MOXD1: variants seen among roughly 807,000 people sequenced by gnomAD.
The protein encoded by MOXD1 is DBH-like monooxygenase protein 1.
MOXD1 carries 62 observed loss-of-function variants against 66.6 expected under a neutral mutation model. That is an observed-to-expected ratio of 0.93 (90% CI 0.76 to 1.15). The LOEUF is 1.15. Ranked by LOEUF, MOXD1 falls within the 50% of genes most tolerant of loss-of-function variation. MOXD1 has a pLI of 0.00. For synonymous variants in MOXD1, 303 were observed against 281.9 expected, an observed-to-expected ratio of 1.07 and a Z score of -0.75; for missense variants, 847 against 754.6, an observed-to-expected ratio of 1.12 and a Z score of -1.44.
At chr6:132,344,699 C>CT (rs35429271) in intron 4 of MOXD1, among the ~76,000 whole-genome samples, 1 of 151,952 alleles carries the variant, frequency 6.6e-6, no homozygotes, top group African/African-American at 2.4e-5. Context: ...TTATTTTAGC[C>CT]TTTTTTGCAT....
chr6:132,346,045 G>GTGT (rs1775663054), intron 4 of MOXD1, among the ~76,000 whole-genome samples: 1 of 150,740 alleles, frequency 6.6e-6, no homozygotes, highest in South Asian at 2.1e-4. Context: ...TTTTGTTGTT[G>GTGT]TGTTGTTGTT....
chr6:132,327,333 CT>C (rs139710794), intron 6 of MOXD1, among the ~76,000 whole-genome samples: 1,597 of 152,284 alleles, frequency 0.01, 37 homozygotes, highest in African/African-American at 0.037. Context: ...AGAACAGCAT[CT>C]GTTTTTCACT....
intron 10 of MOXD1, among the ~76,000 whole-genome samples, chr6:132,304,611 G>A (rs1326286216): frequency 6.6e-6 from 1 of 152,140 alleles, no homozygotes; most frequent in Non-Finnish European, 1.5e-5. Flanking sequence ...CTAGGATTCT[G>A]TTGTTTTCGC....
chr6:132,397,441 G>A (rs909027683), intron 1 of MOXD1, among the ~76,000 whole-genome samples: 5 of 152,130 alleles, frequency 3.3e-5, no homozygotes, highest in African/African-American at 9.7e-5. Flanking sequence ...TATTTGGGTT[G>A]ATTCTTTATT....
At chr6:132,305,522 T>G (rs1002073008) in intron 10 of MOXD1, among the ~76,000 whole-genome samples, 2 of 152,182 alleles carry the variant, frequency 1.3e-5, no homozygotes, top group Non-Finnish European at 2.9e-5. Flanking sequence ...ACAAAGTGCT[T>G]TGTAAAATGA....
chr6:132,326,720 ATGGG>A (rs1775195257), intron 6 of MOXD1, among the ~76,000 whole-genome samples: 2 of 152,186 alleles, frequency 1.3e-5, no homozygotes, highest in Admixed American at 1.3e-4. Flanking sequence ...GGTTCAGAGT[ATGGG>A]ATATAATTGG....
chr6:132,340,935 T>C (rs144851715), intron 4 of MOXD1, among the ~76,000 whole-genome samples: 2,790 of 152,144 alleles, frequency 0.018, 96 homozygotes, highest in African/African-American at 0.06. Flanking sequence ...CGTGAGCCAC[T>C]GCGCCCGGCA....
intron 10 of MOXD1, among the ~76,000 whole-genome samples, chr6:132,304,386 G>T (rs755749462): frequency 6.6e-6 from 1 of 152,104 alleles, no homozygotes; most frequent in African/African-American, 2.4e-5. Context: ...AAGCTATTTT[G>T]TTATCCCACC....
chr6:132,340,491 T>C lies in MOXD1; in HGVS notation c.664-11897A>G, dbSNP rs74926862. On this transcript the variant is annotated intron_variant, in intron 4 of 11. Coordinates refer to ENST00000367963, the MANE Select transcript of MOXD1 (RefSeq NM_015529.4). Reference sequence around the variant, plus strand: ...AATGGGAAATAGGTTAAGGTGGAAATTTTAATTCGGCTATCTGGAAAAATA... The same window carrying C: ...AATGGGAAATAGGTTAAGGTGGAAACTTTAATTCGGCTATCTGGAAAAATA... 1.6e-3 allele frequency among the ~76,000 whole-genome samples: 238 copies of C among 150,446 alleles called. 1 individual carries two copies. Among genetic ancestry groups the C allele is most frequent in the African/African-American group, 5.7e-3 (236 of 41,118 alleles).
intron 6 of MOXD1, 137 bp downstream of exon 6, chr6:132,327,876 T>A: frequency 1.6e-6 from 1 of 634,612 alleles, no homozygotes; most frequent in Non-Finnish European, 2.7e-6. Flanking sequence ...TTAAAAAGTA[T>A]CCTAATTTGA....
chr6:132,382,638 T>C (rs184778578), intron 1 of MOXD1, among the ~76,000 whole-genome samples: 21 of 152,304 alleles, frequency 1.4e-4, no homozygotes, highest in Admixed American at 3.3e-4. Context: ...CTATTACTCC[T>C]GAAACATGTT....
At chr6:132,350,822 C>T (rs1345467348) in intron 4 of MOXD1, among the ~76,000 whole-genome samples, 2 of 151,994 alleles carry the variant, frequency 1.3e-5, no homozygotes, top group African/African-American at 2.4e-5. Context: ...TGTAGCTTTC[C>T]TTGTAGAGGT....
chr6:132,359,271 T>A (rs558521776), intron 4 of MOXD1, among the ~76,000 whole-genome samples: 4 of 152,050 alleles, frequency 2.6e-5, no homozygotes, highest in African/African-American at 9.6e-5. Context: ...CTAAATTTTT[T>A]AAATTTTTCT....
chr6:132,329,233 G>T (rs746561062), intron 4 of MOXD1, among the ~76,000 whole-genome samples: 30 of 151,988 alleles, frequency 2.0e-4, no homozygotes, highest in Non-Finnish European at 3.8e-4. Flanking sequence ...TCTGTCCTTG[G>T]CGATAGTTTG....
At chr6:132,323,717 C>A (rs1319907396) in intron 7 of MOXD1, among the ~76,000 whole-genome samples, 1 of 152,138 alleles carries the variant, frequency 6.6e-6, no homozygotes, top group Non-Finnish European at 1.5e-5. Context: ...AGAAGAAAAA[C>A]ACCCTGCCAA....
chr6:132,401,100 C>G, intron 1 of MOXD1, 63 bp downstream of exon 1: 3 of 1,404,880 alleles, frequency 2.1e-6, no homozygotes, highest in Non-Finnish European at 2.8e-6. Flanking sequence ...GCACCTGCGC[C>G]CTCTCTGGGG....
Position 132,296,363 on chromosome 6 carries a change from C to T in MOXD1, c.*790G>A, listed in dbSNP as rs906893982. On this transcript the variant is annotated 3_prime_UTR_variant, in exon 12 of 12. Transcript: ENST00000367963. ...TGATCTGGAACCTCATATAAGTCAC[C>T]TCACAGCACTGGGTTTGCAGCCAGC... 1 of 152,200 alleles carries T rather than the reference C, an allele frequency of 6.6e-6. No homozygotes were observed. The highest frequency in any genetic ancestry group is 2.4e-5 in the African/African-American group (1 of 41,436). 9.4% of individuals were successfully genotyped at this position (152,200 alleles called of 1,614,324 possible).
rs981900257 is a variant in MOXD1, at chr6:132,344,402, T to C, written c.664-15808A>G. ...TGACCTGAGGTCAGCTGGTTATTCA[T>C]ATGGGGGGAAAAAAATCAATCTTGA... is the stretch of plus-strand genomic sequence containing the variant. On this transcript the variant is annotated intron_variant, in intron 4 of 11. Transcript: ENST00000367963. 2.6e-5 allele frequency among the ~76,000 whole-genome samples: 4 copies of C among 152,058 alleles called. No homozygotes were observed. In the East Asian group the frequency reaches 7.7e-4, roughly 29 times the overall value.
chr6:132,378,928 A>T (rs1376356266), intron 1 of MOXD1, among the ~76,000 whole-genome samples: 2 of 68,560 alleles, frequency 2.9e-5, no homozygotes, highest in Non-Finnish European at 5.7e-5. Context: ...ACAGAGTTTC[A>T]CTCTTGTTGC....
Sources: gnomAD v4.1 joint callset for allele counts (sites outside exome capture counted in the v4.1 genomes callset) on GRCh38, gnomAD v4.1.1 for gene constraint, MANE v1.5 for transcripts, NCBI Gene and HGNC (gene_info 2026-07-23, HGNC 2026-07-21) for gene names.